The following NRG3 variants were observed in gnomAD, a reference collection of about 807,000 sequenced individuals.
NRG3 encodes the protein pro-neuregulin-3, membrane-bound isoform.
In NRG3, 31 loss-of-function variants were observed where a neutral mutation model predicts 66.9. The observed-to-expected ratio is 0.46, with a 90% CI of 0.35 to 0.63. The LOEUF (loss-of-function observed/expected upper bound fraction) is 0.63. Among genes scored for constraint, NRG3 ranks in the 20% least tolerant of loss-of-function variants. The pLI, the probability that NRG3 is intolerant of heterozygous loss-of-function variation, is 0.00. For missense variants in NRG3, 910 were observed against 878.9 expected (o/e 1.04, Z -0.45); for synonymous variants, 393 against 359.4 (o/e 1.09, Z -1.06).
rs780272872 is a variant in NRG3, at chr10:82,984,784, A to G, written c.1584-314A>G. On this transcript the variant is annotated intron_variant, in intron 8 of 8. Coordinates refer to ENST00000372141, the MANE Select transcript of NRG3 (RefSeq NM_001010848.4). ...ATCCCCATTTACTTTGTATTCTAGG[A>G]TAGAGGTCAGGAAGACTATATCCCA... 7.5e-5 allele frequency: 116 copies of G among 1,551,768 alleles called. 2 individuals are homozygous for G. The South Asian group carries it at 1.4e-3, about 18-fold the overall frequency.
intron 2 of NRG3, among the ~76,000 whole-genome samples, chr10:82,403,331 A>G (rs904434196): frequency 2.0e-5 from 3 of 152,164 alleles, no homozygotes; most frequent in Admixed American, 2.0e-4. Flanking sequence ...GCAAAAAAAT[A>G]CACACTCCTC....
At chr10:82,120,231 A>G (rs1014583423) in intron 1 of NRG3, among the ~76,000 whole-genome samples, 2 of 152,186 alleles carry the variant, frequency 1.3e-5, no homozygotes, top group Admixed American at 6.5e-5. Flanking sequence ...AATGCTAAAT[A>G]TACACCCAGG....
chr10:82,035,594 G>T (rs1228649103), intron 1 of NRG3, among the ~76,000 whole-genome samples: 1 of 152,014 alleles, frequency 6.6e-6, no homozygotes, highest in Non-Finnish European at 1.5e-5. Flanking sequence ...ATTTCACCAT[G>T]TATGAATCTA....
intron 1 of NRG3, among the ~76,000 whole-genome samples, chr10:82,218,221 A>G (rs1421072289): frequency 1.3e-5 from 2 of 152,234 alleles, no homozygotes; most frequent in Non-Finnish European, 2.9e-5. Flanking sequence ...TTATATAAGA[A>G]TTTAGGTTAT....
chr10:82,064,457 CA>C (rs1484195602), intron 1 of NRG3, among the ~76,000 whole-genome samples: 1 of 151,514 alleles, frequency 6.6e-6, no homozygotes, highest in Non-Finnish European at 1.5e-5. Context: ...ATTTGCTGAA[CA>C]AATATAAAGA....
intron 1 of NRG3, among the ~76,000 whole-genome samples, chr10:81,980,811 A>T (rs2060306052): frequency 6.6e-6 from 1 of 152,224 alleles, no homozygotes; most frequent in Non-Finnish European, 1.5e-5. Flanking sequence ...TGGCCTGCAG[A>T]TGGCCACCTT....
At chr10:82,324,063 C>T (rs549562125) in intron 1 of NRG3, among the ~76,000 whole-genome samples, 2 of 152,184 alleles carry the variant, frequency 1.3e-5, no homozygotes, top group East Asian at 3.9e-4. Flanking sequence ...CGGGGTTTCA[C>T]CATGTTGGCC....
intron 4 of NRG3, among the ~76,000 whole-genome samples, chr10:82,874,522 A>G (rs1337643542): frequency 6.6e-6 from 1 of 151,938 alleles, no homozygotes; most frequent in East Asian, 1.9e-4. Flanking sequence ...ATATATGCAT[A>G]GATGTGTGTT....
intron 4 of NRG3, among the ~76,000 whole-genome samples, chr10:82,876,311 T>G (rs1461212156): frequency 6.6e-6 from 1 of 152,314 alleles, no homozygotes. Flanking sequence ...GAATTTCTTA[T>G]GTAATATGGT....
chr10:82,288,951 A>G (rs1198206737), intron 1 of NRG3, among the ~76,000 whole-genome samples: 1 of 152,138 alleles, frequency 6.6e-6, no homozygotes, highest in Admixed American at 6.6e-5. Flanking sequence ...TGACTGCTGG[A>G]CTTGGGCACC....
At chr10:82,648,062 G>A (rs2051099397) in intron 2 of NRG3, among the ~76,000 whole-genome samples, 2 of 149,934 alleles carry the variant, frequency 1.3e-5, no homozygotes, top group Non-Finnish European at 3.0e-5. Flanking sequence ...TGGTGTTTTA[G>A]ACATGAAGTC....
intron 2 of NRG3, among the ~76,000 whole-genome samples, chr10:82,463,659 C>G (rs1365605703): frequency 6.6e-6 from 1 of 152,198 alleles, no homozygotes; most frequent in African/African-American, 2.4e-5. Flanking sequence ...CTCTCACTAC[C>G]TCTTCAGAAC....
intron 2 of NRG3, among the ~76,000 whole-genome samples, chr10:82,588,722 T>C (rs558865443): frequency 6.6e-6 from 1 of 152,042 alleles, no homozygotes; most frequent in African/African-American, 2.4e-5. Context: ...AGGATGGTCT[T>C]GATCTCCCGA....
intron 4 of NRG3, among the ~76,000 whole-genome samples, chr10:82,894,681 C>A (rs778279446): frequency 6.6e-6 from 1 of 152,030 alleles, no homozygotes; most frequent in Non-Finnish European, 1.5e-5. Context: ...TCCCGAGAAC[C>A]CTTACCCTGA....
At chr10:82,297,300 A>G in intron 1 of NRG3, among the ~76,000 whole-genome samples, 1 of 151,756 alleles carries the variant, frequency 6.6e-6, no homozygotes, top group South Asian at 2.1e-4. Context: ...GTAGATACTC[A>G]GTAGTAGGAT....
rs79440327 is a variant in NRG3 at position 82,743,048 on chromosome 10, T to C, written c.1027+4398T>C. ...TGCAGTGGGGTAGAGAAGATGCCCA[T>C]TGGAAGCAAGGGCACGCCTCCTCAC... On this transcript the variant is annotated intron_variant, in intron 3 of 8. Transcript: ENST00000372141. Among the ~76,000 whole-genome samples, 550 of 152,150 alleles carry C rather than the reference T, an allele frequency of 3.6e-3. 5 individuals carry two copies. Among genetic ancestry groups the C allele is most frequent in the African/African-American group, 0.013 (522 of 41,522 alleles).
chr10:82,661,579 G>T (rs539359623), intron 2 of NRG3, among the ~76,000 whole-genome samples: 2 of 151,998 alleles, frequency 1.3e-5, no homozygotes, highest in Non-Finnish European at 2.9e-5. Context: ...TGGTACTCTG[G>T]TATATTTGTG....
intron 2 of NRG3, among the ~76,000 whole-genome samples, chr10:82,514,428 A>G (rs992768935): frequency 5.9e-5 from 9 of 152,104 alleles, no homozygotes; most frequent in Admixed American, 5.2e-4. Flanking sequence ...CCTAGCACCA[A>G]TTATAAATAG....
At chr10:82,245,074 T>C (rs1013210168) in intron 1 of NRG3, among the ~76,000 whole-genome samples, 2 of 152,142 alleles carry the variant, frequency 1.3e-5, no homozygotes, top group African/African-American at 4.8e-5. Context: ...TATCATTACA[T>C]TGTAACATAC....
Sources: gnomAD v4.1 joint callset for allele counts (sites outside exome capture counted in the v4.1 genomes callset) on GRCh38, gnomAD v4.1.1 for gene constraint, MANE v1.5 for transcripts, NCBI Gene and HGNC (gene_info 2026-07-23, HGNC 2026-07-21) for gene names.